The following PHC3 variants were observed in gnomAD, a reference collection of about 807,000 sequenced individuals.
PHC3 encodes polyhomeotic-like protein 3.
Under a neutral mutation model 107.4 loss-of-function variants are expected in PHC3, and 13 were observed. The observed-to-expected ratio is 0.12, with a 90% CI of 0.08 to 0.19. The LOEUF (loss-of-function observed/expected upper bound fraction) is 0.19, where lower values mean the gene tolerates loss of function less well. Among genes scored for constraint, PHC3 ranks in the 10% least tolerant of loss-of-function variants. PHC3 has a pLI of 1.00. For missense variants in PHC3, 992 were observed against 1,210.9 expected (o/e 0.82, Z 2.68); for synonymous variants, 456 against 427.4 (o/e 1.07, Z -0.83).
In PHC3 at chr3:170,132,839, A is replaced by C. The variant is rs149968618; in HGVS notation, c.920-3287T>G. 2.0e-4 allele frequency among the ~76,000 whole-genome samples: 30 copies of C among 152,372 alleles called. 1 individual carries two copies. In the East Asian group the frequency reaches 5.8e-3, roughly 29 times the overall value. On this transcript the variant is annotated intron_variant, in intron 7 of 14. Coordinates refer to ENST00000495893, the MANE Select transcript of PHC3 (RefSeq NM_024947.4). ...TATTTTTTCCAATTAAGCTAGTTTCATAAAAGCTCTAAAAACTGTGATAGA... is the reference window on the plus strand; with the variant it reads ...TATTTTTTCCAATTAAGCTAGTTTCCTAAAAGCTCTAAAAACTGTGATAGA...
intron 11 of PHC3, 32 bp from the exon 12 acceptor site, chr3:170,106,978 T>G: frequency 2.6e-6 from 4 of 1,519,098 alleles, no homozygotes; most frequent in Non-Finnish European, 3.6e-6. Flanking sequence ...GAAAAAAAGG[T>G]TCCAAAAATT....
At chr3:170,115,877 T>TCTCACACA (rs1553782582) in intron 10 of PHC3, among the ~76,000 whole-genome samples, 2 of 148,458 alleles carry the variant, frequency 1.3e-5, no homozygotes, top group Non-Finnish European at 3.0e-5. Context: ...TCCAAGTTTC[T>TCTCACACA]CACACACACA....
intron 6 of PHC3, among the ~76,000 whole-genome samples, chr3:170,139,192 C>G (rs1167801360): frequency 6.6e-6 from 1 of 152,168 alleles, no homozygotes; most frequent in Non-Finnish European, 1.5e-5. Context: ...TTTTTATACT[C>G]CCTGCAGTTC....
At chr3:170,133,919 A>T (rs1722648637) in intron 7 of PHC3, among the ~76,000 whole-genome samples, 1 of 152,130 alleles carries the variant, frequency 6.6e-6, no homozygotes, top group Non-Finnish European at 1.5e-5. Context: ...CTCTGAAAGT[A>T]ACGTTCTCTT....
chr3:170,132,760 T>A (rs1461956502), intron 7 of PHC3, among the ~76,000 whole-genome samples: 1 of 152,242 alleles, frequency 6.6e-6, no homozygotes, highest in Non-Finnish European at 1.5e-5. Flanking sequence ...GCAGATTGAT[T>A]AATACAGGAC....
chr3:170,157,737 T>C (rs1270936177), intron 4 of PHC3, among the ~76,000 whole-genome samples: 1 of 152,086 alleles, frequency 6.6e-6, no homozygotes, highest in Admixed American at 6.5e-5. Flanking sequence ...TGGACTCTGA[T>C]ATGTGGCTGA....
chr3:170,092,775 G>A lies in PHC3; in HGVS notation c.*4455C>T, dbSNP rs1714237157. 1 of 152,022 alleles carries A rather than the reference G, an allele frequency of 6.6e-6. No individual in the cohort carries two copies. The highest frequency in any genetic ancestry group is 1.5e-5 in the Non-Finnish European group (1 of 67,980). The allele number at this position is 152,022 out of a possible 1,614,324, so 9.4% of individuals were successfully genotyped here. ...TAATAAAAGGTTCTCACCTTTTTCAGAAATCAAAAATCACTAACTTCTACA... is the reference window on the plus strand; with the variant it reads ...TAATAAAAGGTTCTCACCTTTTTCAAAAATCAAAAATCACTAACTTCTACA... On this transcript the variant is annotated 3_prime_UTR_variant, in exon 15 of 15. Transcript: ENST00000495893.
chr3:170,155,358 T>A (rs1726726532), intron 4 of PHC3, among the ~76,000 whole-genome samples: 1 of 152,240 alleles, frequency 6.6e-6, no homozygotes, highest in African/African-American at 2.4e-5. Flanking sequence ...AAACAACATG[T>A]AGAGTATCAT....
rs61737327 is a variant in PHC3 at position 170,171,376 on chromosome 3, C to T, written c.411G>A (p.Thr137=). ...AAAAAAAATTTAGGGAACTTACAGA[C>T]GTTTGGGACATACTTGACTGCTGTG... ...SVTQQSSMSQ[T]SINLSTSPTP... The change falls in exon 4 of 15, where the codon ACG becomes ACA. Residue 137 remains threonine (T), a synonymous_variant. Transcript: ENST00000495893. 44 of 1,599,326 alleles carry T rather than the reference C, an allele frequency of 2.8e-5. No homozygotes were observed. Among genetic ancestry groups the T allele is most frequent in the South Asian group, 1.8e-4 (16 of 87,338 alleles).
chr3:170,128,834 G>GC lies in PHC3; in HGVS notation c.1637dup (p.Gln547ProfsTer47). The GC allele has an allele frequency of 6.2e-7, 1 of 1,614,014 alleles. No homozygotes were observed. The highest frequency in any genetic ancestry group is 8.5e-7 in the Non-Finnish European group (1 of 1,179,896). ...CCAAAGCATTCTGCACCAAAACCTG[G>GC]CCCTGGGACAGAATTTCAGGCTGCA... On this transcript the variant is annotated frameshift_variant, in exon 8 of 15. Coordinates refer to ENST00000495893, the MANE Select transcript of PHC3 (RefSeq NM_024947.4). LOFTEE classifies it high-confidence loss of function.
At chr3:170,125,261 C>T (rs1389076444) in intron 8 of PHC3, among the ~76,000 whole-genome samples, 1 of 151,354 alleles carries the variant, frequency 6.6e-6, no homozygotes, top group Non-Finnish European at 1.5e-5. Context: ...ATGATAATGC[C>T]CAATATAGGT....
intron 2 of PHC3, among the ~76,000 whole-genome samples, chr3:170,175,910 C>T (rs553048257): frequency 3.6e-5 from 5 of 137,000 alleles, no homozygotes; most frequent in Admixed American, 2.3e-4. Context: ...GGCTACAGGG[C>T]AAGACTCAGT....
Position 170,179,877 on chromosome 3 carries a change from G to A in PHC3, c.15-939C>T, listed in dbSNP as rs564476814. Reference sequence around the variant, plus strand: ...CAGAAATGTACCTCGAAGGTGAAAAGCACACAAGAGATTATACTGGTTTTA... The same window carrying A: ...CAGAAATGTACCTCGAAGGTGAAAAACACACAAGAGATTATACTGGTTTTA... On this transcript the variant is annotated intron_variant, in intron 1 of 14. Coordinates refer to ENST00000495893, the MANE Select transcript of PHC3 (RefSeq NM_024947.4). Among the ~76,000 whole-genome samples the A allele has an allele frequency of 3.3e-5, 5 of 152,246 alleles. No individual in the cohort carries two copies. In the South Asian group the frequency reaches 8.3e-4, roughly 25 times the overall value.
At chr3:170,100,146 G>T (rs1274514448) in intron 14 of PHC3, among the ~76,000 whole-genome samples, 1 of 152,136 alleles carries the variant, frequency 6.6e-6, no homozygotes, top group Non-Finnish European at 1.5e-5. Flanking sequence ...AAAACTGGAG[G>T]AGTAAATATA....
In PHC3 at chr3:170,090,536, A is replaced by T. The variant is rs1713987983; in HGVS notation, c.*6694T>A. The T allele has an allele frequency of 6.6e-6, 1 of 152,184 alleles. No individual in the cohort carries two copies. Among genetic ancestry groups the T allele is most frequent in the African/African-American group, 2.4e-5 (1 of 41,448 alleles). The allele number at this position is 152,184 out of a possible 1,614,324, so 9.4% of individuals were successfully genotyped here. ...GTCATCATTTGCTTGTTATGTATGA[A>T]TTTTCTATTTTAATCCTTAGGAGAA... is the stretch of plus-strand genomic sequence containing the variant. On this transcript the variant is annotated 3_prime_UTR_variant, in exon 15 of 15. Transcript: ENST00000495893.
chr3:170,164,125 A>T (rs1287752878), intron 4 of PHC3, among the ~76,000 whole-genome samples: 2 of 151,334 alleles, frequency 1.3e-5, no homozygotes, highest in Non-Finnish European at 2.9e-5. Flanking sequence ...TTGCTTGAGA[A>T]TTTGAAGCTG....
chr3:170,106,749 T>C (rs1033942731), intron 12 of PHC3, 83 bp downstream of exon 12: 1 of 719,014 alleles, frequency 1.4e-6, no homozygotes, highest in Middle Eastern at 2.5e-4. Context: ...ATAGTTATCC[T>C]TGGTAAGCTA....
At chr3:170,113,283 A>C (rs1456240400) in intron 11 of PHC3, 77 bp downstream of exon 11, 2 of 1,378,828 alleles carry the variant, frequency 1.5e-6, no homozygotes, top group African/African-American at 2.9e-5. Flanking sequence ...TTCTGTACAG[A>C]ATAAAAATCC....
chr3:170,146,139 C>T (rs1724893634), intron 5 of PHC3, among the ~76,000 whole-genome samples: 2 of 152,102 alleles, frequency 1.3e-5, no homozygotes. Context: ...CTTTGGAAGG[C>T]CAAGGCAGGT....
Sources: allele counts gnomAD v4.1 joint callset (sites outside exome capture counted in the v4.1 genomes callset), GRCh38; gene constraint gnomAD v4.1.1; transcripts MANE v1.5; gene names NCBI Gene and HGNC (gene_info 2026-07-23, HGNC 2026-07-21).